Variants in TTC7B observed in about 807,000 individuals in gnomAD.
The protein encoded by TTC7B is tetratricopeptide repeat protein 7B.
In TTC7B, 28 loss-of-function variants were observed where a neutral mutation model predicts 106.8. The observed-to-expected ratio is 0.26, with a 90% CI of 0.19 to 0.36. TTC7B has a LOEUF of 0.36. Ranked by LOEUF, TTC7B falls within the 10% of genes least tolerant of loss-of-function variation. The pLI is 1.00. For synonymous variants in TTC7B, 405 were observed against 430.6 expected (o/e 0.94, Z 0.74); for missense variants, 862 against 1,076.4 (o/e 0.80, Z 2.79).
At chr14:90,773,879 G>T (rs1056828443) in intron 3 of TTC7B, among the ~76,000 whole-genome samples, 2 of 151,862 alleles carry the variant, frequency 1.3e-5, no homozygotes, top group Non-Finnish European at 2.9e-5. Flanking sequence ...TGGTCCCAAG[G>T]TCACCTCTAG....
intron 7 of TTC7B, among the ~76,000 whole-genome samples, chr14:90,688,493 C>A (rs565109820): frequency 6.6e-6 from 1 of 151,872 alleles, no homozygotes; most frequent in Non-Finnish European, 1.5e-5. Context: ...CATGGTGGCA[C>A]GCACCTGTAG....
intron 15 of TTC7B, among the ~76,000 whole-genome samples, chr14:90,637,407 C>G (rs1025656827): frequency 4.6e-5 from 7 of 151,238 alleles, no homozygotes; most frequent in Non-Finnish European, 7.4e-5. Context: ...GAGAAAAACC[C>G]CCCCCCAGCC....
At chr14:90,615,392 C>A (rs886142499) in intron 16 of TTC7B, among the ~76,000 whole-genome samples, 1 of 152,218 alleles carries the variant, frequency 6.6e-6, no homozygotes, top group Admixed American at 6.5e-5. Flanking sequence ...CCCATTACAA[C>A]CCAGCATGCT....
At chr14:90,766,681 G>A in intron 3 of TTC7B, 1 of 1,365,708 alleles carries the variant, frequency 7.3e-7, no homozygotes, top group Non-Finnish European at 1.0e-6. Flanking sequence ...AGCAGACATT[G>A]ACTGCACCAA....
At chr14:90,586,395 C>T (rs1489202956) in intron 18 of TTC7B, among the ~76,000 whole-genome samples, 1 of 152,286 alleles carries the variant, frequency 6.6e-6, no homozygotes, top group Non-Finnish European at 1.5e-5. Context: ...CTCAGCCTCC[C>T]GAGTAGCTGG....
intron 7 of TTC7B, 82 bp from the exon 8 acceptor site, chr14:90,680,617 C>A (rs1355356695): frequency 9.9e-7 from 1 of 1,013,394 alleles, no homozygotes; most frequent in Non-Finnish European, 1.5e-6. Context: ...CTAAAAGCTT[C>A]CAGAATTTTA....
chr14:90,746,145 G>A (rs1034957139), intron 3 of TTC7B, among the ~76,000 whole-genome samples: 5 of 152,112 alleles, frequency 3.3e-5, no homozygotes, highest in African/African-American at 1.2e-4. Flanking sequence ...GAGAGTGTTT[G>A]TGTAGAGTTG....
Position 90,605,771 on chromosome 14 carries a change from AAG to A in TTC7B, c.1966+4969_1966+4970del, listed in dbSNP as rs1045193417. 18 of 1,240,962 alleles carry A rather than the reference AAG, an allele frequency of 1.5e-5. No homozygotes were observed. The African/African-American group carries it at 2.7e-4, about 19-fold the overall frequency. 76.9% of individuals were successfully genotyped at this position (1,240,962 alleles called of 1,614,324 possible). ...GAGGAATCTGACACTAAAAAAGTGA[AAG>A]AGAAAAAAAGGGTGAAGGCAAAAAA... On this transcript the variant is annotated intron_variant, in intron 17 of 19. Transcript: ENST00000328459.
At chr14:90,771,210 C>A (rs1890852211) in intron 3 of TTC7B, among the ~76,000 whole-genome samples, 1 of 151,808 alleles carries the variant, frequency 6.6e-6, no homozygotes, top group African/African-American at 2.4e-5. Context: ...ACGTGTTTTA[C>A]CAAAATAAAA....
chr14:90,680,659 G>A, intron 7 of TTC7B, 124 bp from the exon 8 acceptor site: 2 of 652,918 alleles, frequency 3.1e-6, no homozygotes, highest in Non-Finnish European at 5.2e-6. Context: ...TGTATAATTT[G>A]GACACTTGAA....
At chr14:90,602,504 C>G (rs572672486) in intron 17 of TTC7B, among the ~76,000 whole-genome samples, 1 of 152,098 alleles carries the variant, frequency 6.6e-6, no homozygotes, top group Non-Finnish European at 1.5e-5. Context: ...AGTTGGAAAC[C>G]AGCCTGGGCA....
At chr14:90,559,494 C>A (rs899715751) in intron 19 of TTC7B, among the ~76,000 whole-genome samples, 1 of 152,194 alleles carries the variant, frequency 6.6e-6, no homozygotes. Flanking sequence ...CATCTGGGCA[C>A]CCCTTGGCTC....
At position 90,526,110 on chromosome 14, in the gene TTC7B, TTCC is replaced by T. The variant is rs1889144906; in HGVS notation, c.*15255_*15257del. ...CTTTTTAAGAAACTGCCAAACTGTT[TTCC>T]AAAGTGGCTGTACCATTTTACATTC... is the stretch of plus-strand genomic sequence containing the variant. On this transcript the variant is annotated 3_prime_UTR_variant, in exon 20 of 20. Coordinates refer to ENST00000328459, the MANE Select transcript of TTC7B (RefSeq NM_001010854.2). 1 of 152,340 alleles carries T rather than the reference TTCC, an allele frequency of 6.6e-6. No individual in the cohort carries two copies. The highest frequency in any genetic ancestry group is 1.9e-4 in the East Asian group (1 of 5,194). 9.4% of individuals were successfully genotyped at this position (152,340 alleles called of 1,614,324 possible). A position where few individuals can be genotyped will look rare whatever the true frequency, so the allele number is the denominator to read the frequency against.
At chr14:90,592,517 T>C (rs1892002012) in intron 18 of TTC7B, among the ~76,000 whole-genome samples, 1 of 152,102 alleles carries the variant, frequency 6.6e-6, no homozygotes, top group Non-Finnish European at 1.5e-5. Context: ...GAGACCAGCC[T>C]GGCCAAGATG....
At chr14:90,781,016 A>C in intron 2 of TTC7B, 110 bp from the exon 3 acceptor site, 1 of 934,682 alleles carries the variant, frequency 1.1e-6, no homozygotes, top group Non-Finnish European at 1.7e-6. Flanking sequence ...CCCGCACAAG[A>C]GCTTGGACGT....
intron 5 of TTC7B, among the ~76,000 whole-genome samples, chr14:90,723,244 C>A (rs1351982990): frequency 6.6e-6 from 1 of 152,218 alleles, no homozygotes; most frequent in Admixed American, 6.5e-5. Context: ...ATCCAATCCA[C>A]CAGCAGTCCT....
chr14:90,655,232 T>C, intron 11 of TTC7B, 122 bp from the exon 12 acceptor site: 1 of 714,650 alleles, frequency 1.4e-6, no homozygotes, highest in Non-Finnish European at 2.5e-6. Context: ...CTCTCAAATC[T>C]CCCAATCCCA....
At chr14:90,729,173 AT>A (rs1193687906) in intron 5 of TTC7B, among the ~76,000 whole-genome samples, 3 of 152,220 alleles carry the variant, frequency 2.0e-5, no homozygotes, top group Non-Finnish European at 4.4e-5. Flanking sequence ...ATAGGCATTT[AT>A]TTTCAACTAA....
intron 19 of TTC7B, among the ~76,000 whole-genome samples, chr14:90,550,040 A>G (rs1005360404): frequency 1.3e-5 from 2 of 152,218 alleles, no homozygotes. Flanking sequence ...GTTAAGTCAC[A>G]TATCCCTGAA....
Sources: allele counts gnomAD v4.1 joint callset (sites outside exome capture counted in the v4.1 genomes callset), GRCh38; gene constraint gnomAD v4.1.1; transcripts MANE v1.5; gene names NCBI Gene and HGNC (gene_info 2026-07-23, HGNC 2026-07-21).